The following UHMK1 variants were observed in gnomAD, a reference collection of about 807,000 sequenced individuals.
The protein encoded by UHMK1 is U2AF homology motif kinase 1, also known as serine/threonine-protein kinase Kist.
In UHMK1, 18 loss-of-function variants were observed where a neutral mutation model predicts 44.0. The ratio of observed to expected loss-of-function variants is 0.41; its 90% CI spans 0.28 to 0.61. UHMK1 has a LOEUF of 0.61. Among genes scored for constraint, UHMK1 ranks in the 20% least tolerant of loss-of-function variants. UHMK1 has a pLI of 0.31. For synonymous variants in UHMK1, 231 were observed against 198.5 expected (o/e 1.16, Z -1.38); for missense variants, 463 against 522.5 (o/e 0.89, Z 1.11).
intron 7 of UHMK1, among the ~76,000 whole-genome samples, chr1:162,521,200 A>G (rs1460370671): frequency 6.6e-6 from 1 of 152,218 alleles, no homozygotes; most frequent in Non-Finnish European, 1.5e-5. Flanking sequence ...TGATAATGCA[A>G]TTATAAAAAT....
intron 7 of UHMK1, among the ~76,000 whole-genome samples, chr1:162,521,690 G>T (rs570096167): frequency 1.3e-5 from 2 of 152,182 alleles, no homozygotes; most frequent in African/African-American, 2.4e-5. Flanking sequence ...GTACAGTGGC[G>T]CAATCTCAGC....
upstream of UHMK1, chr1:162,497,397 G>C (rs948435006): frequency 4.6e-6 from 3 of 650,196 alleles, no homozygotes; most frequent in Non-Finnish European, 8.4e-6. Context: ...TGGCGACACG[G>C]GGGGCTTAGA....
At chr1:162,503,217 C>A (rs1651338988) in intron 3 of UHMK1, among the ~76,000 whole-genome samples, 1 of 151,614 alleles carries the variant, frequency 6.6e-6, no homozygotes, top group African/African-American at 2.4e-5. Context: ...TTTATTCTTT[C>A]ATCTAGTAGA....
intron 3 of UHMK1, among the ~76,000 whole-genome samples, chr1:162,502,991 A>G (rs569588178): frequency 5.4e-4 from 83 of 152,346 alleles, no homozygotes; most frequent in Admixed American, 7.8e-4. Flanking sequence ...ATTGTGAGTT[A>G]GCATAGTATT....
At chr1:162,509,076 C>T (rs1003702453) in intron 4 of UHMK1, among the ~76,000 whole-genome samples, 13 of 152,186 alleles carry the variant, frequency 8.5e-5, no homozygotes, top group East Asian at 1.9e-4. Context: ...TGAGCCACCA[C>T]GCACAGTCAG....
intron 4 of UHMK1, among the ~76,000 whole-genome samples, chr1:162,505,498 A>G (rs1230783014): frequency 6.6e-6 from 1 of 152,230 alleles, no homozygotes; most frequent in Non-Finnish European, 1.5e-5. Context: ...GTTTACATCT[A>G]TGTCCTACCG....
intron 7 of UHMK1, among the ~76,000 whole-genome samples, chr1:162,519,964 T>C (rs931497032): frequency 6.6e-6 from 1 of 152,206 alleles, no homozygotes; most frequent in African/African-American, 2.4e-5. Flanking sequence ...AGTGGTGCAG[T>C]CTCAGCTCTC....
At chr1:162,512,344 TAATA>T (rs1007321547) in intron 4 of UHMK1, among the ~76,000 whole-genome samples, 152 bp from the exon 5 acceptor site, 4 of 152,140 alleles carry the variant, frequency 2.6e-5, no homozygotes, top group Admixed American at 6.6e-5. Flanking sequence ...AACCATTTAC[TAATA>T]AATAGCATTT....
At chr1:162,515,817 G>A (rs936586613) in intron 6 of UHMK1, among the ~76,000 whole-genome samples, 4 of 151,560 alleles carry the variant, frequency 2.6e-5, no homozygotes, top group African/African-American at 7.3e-5. Context: ...GATGGATCAC[G>A]AGGTCAGGAG....
intron 6 of UHMK1, among the ~76,000 whole-genome samples, chr1:162,515,764 G>A (rs535262394): frequency 1.4e-4 from 21 of 152,306 alleles, no homozygotes; most frequent in African/African-American, 7.2e-5. Flanking sequence ...GCCGGGCGTG[G>A]TGGCTCATGC....
chr1:162,504,373 A>T (rs1412698571), intron 4 of UHMK1, among the ~76,000 whole-genome samples: 2 of 152,216 alleles, frequency 1.3e-5, no homozygotes, highest in African/African-American at 4.8e-5. Flanking sequence ...TGTTGTGAGA[A>T]ATATGTCATT....
chr1:162,522,002 C>T (rs533549635), intron 7 of UHMK1, among the ~76,000 whole-genome samples: 8 of 152,328 alleles, frequency 5.3e-5, no homozygotes, highest in African/African-American at 1.9e-4. Flanking sequence ...GCTAAAAGTA[C>T]AGATTATCAT....
chr1:162,522,148 T>G (rs1571021121), intron 7 of UHMK1, among the ~76,000 whole-genome samples: 3 of 152,236 alleles, frequency 2.0e-5, no homozygotes, highest in African/African-American at 7.2e-5. Context: ...CCTTGAGAGA[T>G]TTTTCAAAGT....
At chr1:162,516,029 G>T (rs1299270669) in intron 6 of UHMK1, among the ~76,000 whole-genome samples, 1 of 149,704 alleles carries the variant, frequency 6.7e-6, no homozygotes, top group South Asian at 2.1e-4. Flanking sequence ...GCGAGACTCC[G>T]TCTCAAAAAA....
At chr1:162,505,246 A>G (rs1651426726) in intron 4 of UHMK1, among the ~76,000 whole-genome samples, 1 of 152,162 alleles carries the variant, frequency 6.6e-6, no homozygotes, top group African/African-American at 2.4e-5. Flanking sequence ...ATTGTCTTCC[A>G]CTTCCACATA....
At chr1:162,522,354 T>C in intron 7 of UHMK1, 50 bp from the exon 8 acceptor site, 1 of 1,602,854 alleles carries the variant, frequency 6.2e-7, no homozygotes, top group Non-Finnish European at 8.5e-7. Flanking sequence ...AGCACTGGTC[T>C]AAAACAATCT....
rs370794122 is a variant in UHMK1 at position 162,512,431 on chromosome 1, A to T, written c.849-69A>T. 8.8e-6 allele frequency: 11 copies of T among 1,243,816 alleles called. No individual in the cohort carries two copies. In the African/African-American group the frequency reaches 1.4e-4, roughly 15 times the overall value. The allele number at this position is 1,243,816 out of a possible 1,614,324, so 77.0% of individuals were successfully genotyped here. On this transcript the variant is annotated intron_variant, in intron 4 of 7. Transcript: ENST00000489294. ...CTGTGATGAACATTCAGACATTCTT[A>T]CTTTCTTTAATGGTTGCATTTTCAA...
chr1:162,510,284 T>A (rs1411920371), intron 4 of UHMK1, among the ~76,000 whole-genome samples: 1 of 152,234 alleles, frequency 6.6e-6, no homozygotes, highest in African/African-American at 2.4e-5. Flanking sequence ...AGAATCACCA[T>A]GTTGTGCAGT....
intron 4 of UHMK1, among the ~76,000 whole-genome samples, chr1:162,509,455 C>G (rs773078335): frequency 6.6e-6 from 1 of 152,092 alleles, no homozygotes; most frequent in African/African-American, 2.4e-5. Flanking sequence ...AATGTATAAC[C>G]CCTTATAGTT....
Sources: allele counts gnomAD v4.1 joint callset (sites outside exome capture counted in the v4.1 genomes callset), GRCh38; gene constraint gnomAD v4.1.1; transcripts MANE v1.5; gene names NCBI Gene and HGNC (gene_info 2026-07-23, HGNC 2026-07-21).